The following ADAMTSL1 variants were observed in gnomAD, a reference collection of about 807,000 sequenced individuals.
ADAMTSL1 encodes ADAMTS like 1.
In ADAMTSL1, 126 loss-of-function variants were observed where a neutral mutation model predicts 201.8. The observed-to-expected ratio is 0.62, with a 90% confidence interval of 0.54 to 0.72. The LOEUF is 0.72. Among genes scored for constraint, ADAMTSL1 ranks in the 30% least tolerant of loss-of-function variants. The pLI, the probability that ADAMTSL1 is intolerant of heterozygous loss-of-function variation, is 0.00. For missense variants in ADAMTSL1, 2,679 were observed against 2,277.8 expected (o/e 1.18, Z -3.59); for synonymous variants, 1,121 against 903.4 (o/e 1.24, Z -4.32).
chr9:18,857,090 C>T (rs532156408), intron 23 of ADAMTSL1, among the ~76,000 whole-genome samples: 6 of 152,238 alleles, frequency 3.9e-5, no homozygotes, highest in African/African-American at 1.4e-4. Flanking sequence ...TGGTTTGAGA[C>T]ACGAGTTTCA....
chr9:18,638,467 C>G (rs79740313), intron 6 of ADAMTSL1, among the ~76,000 whole-genome samples: 9 of 152,024 alleles, frequency 5.9e-5, no homozygotes, highest in Non-Finnish European at 1.2e-4. Flanking sequence ...TAAATCACCC[C>G]TCAGTCACAT....
At chr9:18,394,332 C>G (rs1209555051) in intron 2 of ADAMTSL1, among the ~76,000 whole-genome samples, 1 of 152,200 alleles carries the variant, frequency 6.6e-6, no homozygotes, top group Admixed American at 6.5e-5. Context: ...ATTCCAATAA[C>G]AGAATCTGTC....
intron 2 of ADAMTSL1, among the ~76,000 whole-genome samples, chr9:18,386,838 G>A (rs549578628): frequency 3.3e-5 from 5 of 152,016 alleles, no homozygotes; most frequent in African/African-American, 1.2e-4. Context: ...TTATTTTTGA[G>A]AAAGCACAAT....
intron 19 of ADAMTSL1, among the ~76,000 whole-genome samples, chr9:18,789,061 C>A (rs1306607864): frequency 6.6e-6 from 1 of 152,096 alleles, no homozygotes; most frequent in African/African-American, 2.4e-5. Context: ...CACAGCAAAC[C>A]CTTTGTTCCC....
chr9:17,971,174 G>A (rs1778175), intron 1 of ADAMTSL1, among the ~76,000 whole-genome samples: 123,006 of 151,742 alleles, frequency 0.81, 50,245 homozygotes, highest in East Asian at 0.92. Context: ...ATTATAACAC[G>A]TTTGCCTTTA....
At chr9:18,171,804 T>C (rs1827904624) in intron 2 of ADAMTSL1, among the ~76,000 whole-genome samples, 2 of 152,158 alleles carry the variant, frequency 1.3e-5, no homozygotes, top group African/African-American at 4.8e-5. Context: ...AGGGTTTTTA[T>C]GGTTTTAGGT....
At chr9:18,123,293 T>A (rs1587102616) in intron 1 of ADAMTSL1, among the ~76,000 whole-genome samples, 1 of 152,194 alleles carries the variant, frequency 6.6e-6, no homozygotes, top group Non-Finnish European at 1.5e-5. Context: ...AATCATGTTA[T>A]GTACAAATAT....
chr9:18,042,456 G>C (rs922095542), intron 1 of ADAMTSL1, among the ~76,000 whole-genome samples: 1 of 152,084 alleles, frequency 6.6e-6, no homozygotes, highest in Non-Finnish European at 1.5e-5. Context: ...AAAAGATCTA[G>C]TTGTTTTCTA....
intron 2 of ADAMTSL1, among the ~76,000 whole-genome samples, chr9:18,424,940 A>G (rs1349971784): frequency 6.6e-6 from 1 of 152,204 alleles, no homozygotes; most frequent in Non-Finnish European, 1.5e-5. Flanking sequence ...TTATCCACAT[A>G]TCCACCCAGA....
chr9:18,778,512 C>T (rs1311866781), intron 19 of ADAMTSL1, among the ~76,000 whole-genome samples: 1 of 152,196 alleles, frequency 6.6e-6, no homozygotes, highest in Non-Finnish European at 1.5e-5. Context: ...GTATCACTTC[C>T]TTGTCTCTCT....
intron 1 of ADAMTSL1, among the ~76,000 whole-genome samples, chr9:17,942,495 A>C (rs1827279946): frequency 6.6e-6 from 1 of 152,168 alleles, no homozygotes; most frequent in Non-Finnish European, 1.5e-5. Context: ...TTAAATTGAG[A>C]GTCCGTTGTG....
At chr9:18,210,537 A>T (rs988522413) in intron 2 of ADAMTSL1, among the ~76,000 whole-genome samples, 1 of 147,438 alleles carries the variant, frequency 6.8e-6, no homozygotes, top group African/African-American at 2.5e-5. Context: ...ATATTAATTA[A>T]TATTACCAGG....
intron 2 of ADAMTSL1, among the ~76,000 whole-genome samples, chr9:18,371,590 AT>A (rs1481190584): frequency 6.6e-6 from 1 of 152,218 alleles, no homozygotes; most frequent in Non-Finnish European, 1.5e-5. Context: ...TTGAACATAT[AT>A]TGTTAAACAC....
chr9:18,684,970 G>A, intron 13 of ADAMTSL1, 170 bp downstream of exon 13: 2 of 1,381,878 alleles, frequency 1.4e-6, no homozygotes, highest in Non-Finnish European at 1.9e-6. Context: ...GTTTGTCAAA[G>A]CTGATGATTG....
At chr9:17,941,091 T>A (rs1827222306) in intron 1 of ADAMTSL1, among the ~76,000 whole-genome samples, 1 of 152,060 alleles carries the variant, frequency 6.6e-6, no homozygotes, top group Non-Finnish European at 1.5e-5. Context: ...GAGAGAACAG[T>A]TTCATGTTTC....
intron 5 of ADAMTSL1, among the ~76,000 whole-genome samples, chr9:18,632,719 A>G (rs1298849036): frequency 6.6e-6 from 1 of 152,202 alleles, no homozygotes; most frequent in Non-Finnish European, 1.5e-5. Context: ...CAGATCGTTT[A>G]ATGTCTGGCC....
rs1018534275 is a variant in ADAMTSL1 at position 17,917,583 on chromosome 9, C to A, written c.87+10661C>A. Among the ~76,000 whole-genome samples the A allele has an allele frequency of 5.3e-5, 8 of 151,938 alleles. No homozygotes were observed. In the South Asian group the frequency reaches 1.2e-3, roughly 24 times the overall value. Reference sequence around the variant, plus strand: ...TATTATTTTTATATATTGTTGGATTCAATTTACTAAATTTTGTTTAGAATT... The same window carrying A: ...TATTATTTTTATATATTGTTGGATTAAATTTACTAAATTTTGTTTAGAATT... On this transcript the variant is annotated intron_variant, in intron 1 of 29. Transcript: ENST00000680146.
At chr9:18,107,697 C>T (rs1036733645) in intron 1 of ADAMTSL1, among the ~76,000 whole-genome samples, 1 of 152,136 alleles carries the variant, frequency 6.6e-6, no homozygotes, top group African/African-American at 2.4e-5. Flanking sequence ...CAGAAAGATT[C>T]TTGAAGTCCA....
chr9:17,983,773 C>T (rs1754659257), intron 1 of ADAMTSL1, among the ~76,000 whole-genome samples: 1 of 151,646 alleles, frequency 6.6e-6, no homozygotes, highest in Admixed American at 6.6e-5. Flanking sequence ...GATTAATAAC[C>T]TGGGAACATT....
Sources: gnomAD v4.1 joint callset for allele counts (sites outside exome capture counted in the v4.1 genomes callset) on GRCh38, gnomAD v4.1.1 for gene constraint, MANE v1.5 for transcripts, NCBI Gene and HGNC (gene_info 2026-07-23, HGNC 2026-07-21) for gene names.